The following GTPBP3 variants were observed in gnomAD, a reference collection of about 807,000 sequenced individuals.
GTPBP3 encodes GTP binding protein 3, mitochondrial.
A neutral mutation model predicts 42.0 loss-of-function variants in GTPBP3; 35 were observed. That is an observed-to-expected ratio of 0.83 (90% CI 0.64 to 1.10). The LOEUF (loss-of-function observed/expected upper bound fraction) is 1.10, where lower values mean the gene tolerates loss of function less well. Among genes scored for constraint, GTPBP3 ranks in the 50% least tolerant of loss-of-function variants. The pLI is 0.00. For missense variants in GTPBP3, 691 were observed against 685.2 expected (o/e 1.01, Z -0.09); for synonymous variants, 332 against 314.9 (o/e 1.05, Z -0.58).
chr19:17,341,228 G>T lies in GTPBP3; in HGVS notation c.1159G>T (p.Gly387Cys). The T allele has an allele frequency of 6.2e-7, 1 of 1,607,758 alleles. No homozygotes were observed. Among genetic ancestry groups the T allele is most frequent in the Middle Eastern group, 1.7e-4 (1 of 6,046 alleles). Residue 387 changes from glycine to cysteine, a missense_variant, in exon 8 of 9, where the codon GGT becomes TGT. Transcript: ENST00000324894. ...DLLSPEGPGP[G>C]PDLPPHLLLS... ...GCTGTCCCCGGAGGGCCCAGGTCCC[G>T]GTCCTGACCTGCCCCCGCACCTGCT...
At position 17,337,809 on chromosome 19, in the gene GTPBP3, A is replaced by G. The variant is rs147931059; in HGVS notation, c.53+145A>G. ...CTCAATCGTTCATGACCCTTGCGGCAGAGCCCATATCTGGGTCTCCTTCTG... is the reference window on the plus strand; with the variant it reads ...CTCAATCGTTCATGACCCTTGCGGCGGAGCCCATATCTGGGTCTCCTTCTG... On this transcript the variant is annotated intron_variant, in intron 1 of 8. Coordinates refer to ENST00000324894, the MANE Select transcript of GTPBP3 (RefSeq NM_032620.4). The G allele has an allele frequency of 2.6e-4, 314 of 1,227,618 alleles. 1 individual carries two copies. The African/African-American group carries it at 4.4e-3, about 17-fold the overall frequency. The allele number at this position is 1,227,618 out of a possible 1,614,324, so 76.0% of individuals were successfully genotyped here. A position where few individuals can be genotyped will look rare whatever the true frequency, so the allele number is the denominator to read the frequency against.
rs987146936 is a variant in GTPBP3, at chr19:17,342,063, C to A, written c.*360C>A. The stretch of plus-strand genomic sequence containing the variant: ...AGTGTTTATTTTCTTCCCTTCCCTT[C>A]CCTTCCCTTTCCTTTTCCCTTTCCC... On this transcript the variant is annotated 3_prime_UTR_variant, in exon 9 of 9. Transcript: ENST00000324894. 5 of 185,878 alleles carry A rather than the reference C, an allele frequency of 2.7e-5. No individual in the cohort carries two copies. Among genetic ancestry groups the A allele is most frequent in the Non-Finnish European group, 5.5e-5 (5 of 91,638 alleles). 11.5% of individuals were successfully genotyped at this position (185,878 alleles called of 1,614,324 possible).
chr19:17,341,796 C>T lies in GTPBP3; in HGVS notation c.*93C>T, dbSNP rs2074436029. 9.0e-7 allele frequency: 1 copy of T among 1,112,472 alleles called. No individual in the cohort carries two copies. Among genetic ancestry groups the T allele is most frequent in the South Asian group, 1.6e-5 (1 of 62,762 alleles). 68.9% of individuals were successfully genotyped at this position (1,112,472 alleles called of 1,614,324 possible). On this transcript the variant is annotated 3_prime_UTR_variant, in exon 9 of 9. Transcript: ENST00000324894. ...TTAGGCCAATTGGGATTCTCATTCGCCTGGGAAAGAACTTGATTCTCAAAT... is the reference window on the plus strand; with the variant it reads ...TTAGGCCAATTGGGATTCTCATTCGTCTGGGAAAGAACTTGATTCTCAAAT...
intron 7 of GTPBP3, among the ~76,000 whole-genome samples, chr19:17,339,899 ACCAC>A (rs1349261277): frequency 2.2e-5 from 3 of 139,044 alleles, no homozygotes. Context: ...GGCGGGAGCG[ACCAC>A]GCCGAACTAT....
At chr19:17,337,860 C>T (rs1168108276) in intron 1 of GTPBP3, 148 bp from the exon 2 acceptor site, 1 of 1,233,954 alleles carries the variant, frequency 8.1e-7, no homozygotes, top group African/African-American at 1.5e-5. Flanking sequence ...ATCCGGTCAC[C>T]CTTCGGCCTT....
At position 17,341,484 on chromosome 19, in the gene GTPBP3, G is replaced by T. The variant is rs1415031426; in HGVS notation, c.1260G>T (p.Gly420=). The change falls in exon 9 of 9, where the codon GGG becomes GGT. Residue 420 remains glycine, a synonymous_variant. Transcript: ENST00000324894. ...TGTCTCTTGTCTCTTCCAGGTGTGG[G>T]GACCCGTCCACAGATCCCCCGCTGC... is the stretch of plus-strand genomic sequence containing the variant. ...ALRKELAAVC[G]DPSTDPPLLT... The T allele has an allele frequency of 6.2e-7, 1 of 1,609,510 alleles. No individual in the cohort carries two copies. Among genetic ancestry groups the T allele is most frequent in the East Asian group, 2.2e-5 (1 of 44,756 alleles).
At chr19:17,339,807 C>T (rs1431745054) in intron 7 of GTPBP3, among the ~76,000 whole-genome samples, 1 of 134,852 alleles carries the variant, frequency 7.4e-6, no homozygotes, top group Non-Finnish European at 1.6e-5. Flanking sequence ...AGTGCAGTGG[C>T]GGTATCTCAG....
Position 17,341,263 on chromosome 19 carries a change from T to C in GTPBP3, c.1194T>C (p.Cys398=). 6.2e-7 allele frequency: 1 copy of C among 1,606,150 alleles called. No homozygotes were observed. The highest frequency in any genetic ancestry group is 8.5e-7 in the Non-Finnish European group (1 of 1,179,944). ...TGCCCCCGCACCTGCTGCTGTCCTG[T>C]CTGACGGGAGAGGGGCTGGACGGCC... ...PDLPPHLLLS[C]LTGEGLDGLL... The change falls in exon 8 of 9, where the codon TGT becomes TGC. Residue 398 remains cysteine (C), a synonymous_variant. Coordinates refer to ENST00000324894, the MANE Select transcript of GTPBP3 (RefSeq NM_032620.4).
chr19:17,341,372 G>A (rs1207816784), intron 8 of GTPBP3, 50 bp downstream of exon 8: 2 of 1,555,492 alleles, frequency 1.3e-6, no homozygotes, highest in South Asian at 1.2e-5. Context: ...TTTAAGTGTG[G>A]GTCCCTCAAC....
At position 17,341,054 on chromosome 19, in the gene GTPBP3, G is replaced by T; in HGVS notation, c.985G>T (p.Ala329Ser). Reference sequence around the variant, plus strand: ...ACCTTGCTCCCGCAGGCTAGAGCAGGCTGACCTCATTCTGGCCATGCTGGA... The same window carrying T: ...ACCTTGCTCCCGCAGGCTAGAGCAGTCTGACCTCATTCTGGCCATGCTGGA... Reference protein sequence around the residue: ...VRRARERLEQADLILAMLDAS... With the variant: ...VRRARERLEQSDLILAMLDAS... The change falls in exon 8 of 9, where the codon GCT becomes TCT. Residue 329 changes from alanine (A) to serine (S), a missense_variant. By Grantham distance (99) the Ala-to-Ser change is moderately conservative (BLOSUM62 1). Transcript: ENST00000324894. 1 of 1,613,422 alleles carries T rather than the reference G, an allele frequency of 6.2e-7. No homozygotes were observed. Among genetic ancestry groups the T allele is most frequent in the Non-Finnish European group, 8.5e-7 (1 of 1,179,790 alleles).
chr19:17,339,516 T>C lies in GTPBP3; in HGVS notation c.891T>C (p.Phe297=), dbSNP rs1380262957. ...AGACCCCAGTCGACCTGGCCGGATT[T>C]CCTGTGCTGCTGAGCGACACGGCTG... is the stretch of plus-strand genomic sequence containing the variant. ...VLETPVDLAG[F]PVLLSDTAGL... The change falls in exon 7 of 9, where the codon TTT becomes TTC. Residue 297 remains phenylalanine, a synonymous_variant. Transcript: ENST00000324894. 1.9e-6 allele frequency: 3 copies of C among 1,613,744 alleles called. No individual in the cohort carries two copies. The highest frequency in any genetic ancestry group is 2.5e-6 in the Non-Finnish European group (3 of 1,179,952).
In GTPBP3 at chr19:17,338,671, G is replaced by A. The variant is rs766510741; in HGVS notation, c.521G>A (p.Arg174Gln). The A allele has an allele frequency of 8.1e-6, 13 of 1,613,608 alleles. No individual in the cohort carries two copies. Among genetic ancestry groups the A allele is most frequent in the East Asian group, 2.2e-5 (1 of 44,876 alleles). ...CACGCGGAAACAGAGGCGCAGCGGC[G>A]GCAGGCCCTCAGGCAGCTGGACGGA... is the stretch of plus-strand genomic sequence containing the variant. Reference protein sequence around the residue: ...LIHAETEAQRRQALRQLDGEL... With the variant: ...LIHAETEAQRQQALRQLDGEL... Residue 174 changes from arginine to glutamine, a missense_variant, in exon 4 of 9, where the codon CGG (arginine) becomes CAG (glutamine). Coordinates refer to ENST00000324894, the MANE Select transcript of GTPBP3 (RefSeq NM_032620.4).
rs2074384137 is a variant in GTPBP3 at position 17,338,025 on chromosome 19, G to A, written c.71G>A (p.Ser24Asn). 6.3e-7 allele frequency: 1 copy of A among 1,597,842 alleles called. No homozygotes were observed. The highest frequency in any genetic ancestry group is 1.1e-5 in the South Asian group (1 of 91,010). The change falls in exon 2 of 9, where the codon AGC becomes AAC. Residue 24 changes from serine to asparagine, a missense_variant. Transcript: ENST00000324894. ...GGTTCCAGATTGTGCACGCGCCGGAGCAGCGGCGCACCAGCCCCCGGCTCC... is the reference window on the plus strand; with the variant it reads ...GGTTCCAGATTGTGCACGCGCCGGAACAGCGGCGCACCAGCCCCCGGCTCC... ...RGPRRLCTRR[S>N]SGAPAPGSGA...
rs767930667 is a variant in GTPBP3, at chr19:17,339,103, C to T, written c.665-20C>T. 5.0e-6 allele frequency: 8 copies of T among 1,614,104 alleles called. No homozygotes were observed. In the South Asian group the frequency reaches 8.8e-5, roughly 18 times the overall value. On this transcript the variant is annotated intron_variant, in intron 5 of 8. Transcript: ENST00000324894. ...GGCTCCCCTCACTGTCTCTCTCTGC[C>T]TGCCTTCTCTCACCCACAGCCGACA...
At chr19:17,335,320 T>G (rs2074357695), upstream of GTPBP3, among the ~76,000 whole-genome samples, 1 of 152,234 alleles carries the variant, frequency 6.6e-6, no homozygotes, top group Admixed American at 6.5e-5. Context: ...CCCTTCAGGA[T>G]GTAACCTCGG....
upstream of GTPBP3, among the ~76,000 whole-genome samples, chr19:17,335,492 C>T (rs111520147): frequency 8.7e-3 from 1,328 of 152,098 alleles, 17 homozygotes; most frequent in African/African-American, 0.03. Context: ...CTCAGGAGGT[C>T]AAGGCTGCAG....
In GTPBP3 at chr19:17,341,083, T is replaced by C. The variant is rs141041710; in HGVS notation, c.1014T>C (p.Ala338=). 61 of 1,613,920 alleles carry C rather than the reference T, an allele frequency of 3.8e-5. No individual in the cohort carries two copies. Among genetic ancestry groups the C allele is most frequent in the Non-Finnish European group, 4.8e-5 (57 of 1,180,020 alleles). The change falls in exon 8 of 9, where the codon GCT becomes GCC. Residue 338 remains alanine (A), a synonymous_variant. Coordinates refer to ENST00000324894, the MANE Select transcript of GTPBP3 (RefSeq NM_032620.4). ...QADLILAMLD[A]SDLASPSSCN... is the part of the protein sequence containing the mutation. ...ACCTCATTCTGGCCATGCTGGATGC[T>C]TCTGACCTGGCCTCTCCCTCCAGTT...
At position 17,338,293 on chromosome 19, in the gene GTPBP3, A is replaced by G. The variant is rs772861577; in HGVS notation, c.301+38A>G. 3 of 1,604,676 alleles carry G rather than the reference A, an allele frequency of 1.9e-6. No individual in the cohort carries two copies. The East Asian group carries it at 6.7e-5, about 36-fold the overall frequency. On this transcript the variant is annotated intron_variant, in intron 2 of 8. Coordinates refer to ENST00000324894, the MANE Select transcript of GTPBP3 (RefSeq NM_032620.4). ...AGGTTCCGAGCCTCCTGTAGGTCCC[A>G]TGACTCAGTTTCCCCCTTCCAAGGG... is the stretch of plus-strand genomic sequence containing the variant.
At chr19:17,339,301 G>T in intron 6 of GTPBP3, 35 bp downstream of exon 6, 1 of 1,583,802 alleles carries the variant, frequency 6.3e-7, no homozygotes, top group Non-Finnish European at 8.6e-7. Context: ...GGGGCCTAGT[G>T]CCAGGGGCGG....
Sources: allele counts gnomAD v4.1 joint callset (sites outside exome capture counted in the v4.1 genomes callset), GRCh38; gene constraint gnomAD v4.1.1; transcripts MANE v1.5; gene names NCBI Gene and HGNC (gene_info 2026-07-23, HGNC 2026-07-21).